The following ANGPTL1 variants were observed in gnomAD, a reference collection of about 807,000 sequenced individuals.
ANGPTL1 encodes angiopoietin like 1.
ANGPTL1 carries 36 observed loss-of-function variants against 46.7 expected under a neutral mutation model. The ratio of observed to expected loss-of-function variants is 0.77; its 90% CI spans 0.59 to 1.02. The LOEUF (loss-of-function observed/expected upper bound fraction) is 1.02, where lower values mean the gene tolerates loss of function less well. Among genes scored for constraint, ANGPTL1 ranks in the 50% least tolerant of loss-of-function variants. The probability of loss-of-function intolerance (pLI) is 0.00; values close to 1 mark genes in which losing one functional copy is unlikely to be tolerated. For synonymous variants in ANGPTL1, 221 were observed against 204.3 expected (o/e 1.08, Z -0.69); for missense variants, 571 against 594.7 (o/e 0.96, Z 0.41).
intron 3 of ANGPTL1, among the ~76,000 whole-genome samples, chr1:178,862,473 T>C (rs1658094407): frequency 6.6e-6 from 1 of 152,132 alleles, no homozygotes; most frequent in Non-Finnish European, 1.5e-5. Flanking sequence ...AATTGATAAT[T>C]TAAGAGGGAC....
At chr1:178,853,033 C>T (rs114222276) in intron 4 of ANGPTL1, 80 bp from the exon 5 acceptor site, 15 of 1,504,398 alleles carry the variant, frequency 1.0e-5, no homozygotes, top group African/African-American at 2.8e-5. Context: ...GTTAAACATT[C>T]GATAGCATAA....
chr1:178,859,963 C>T (rs997728319), intron 3 of ANGPTL1, among the ~76,000 whole-genome samples: 1 of 151,750 alleles, frequency 6.6e-6, no homozygotes, highest in South Asian at 2.1e-4. Flanking sequence ...GTGATCCACC[C>T]GTCTCGGCTA....
chr1:178,865,837 A>G, intron 2 of ANGPTL1, 35 bp from the exon 3 acceptor site: 4 of 1,292,486 alleles, frequency 3.1e-6, no homozygotes, highest in Non-Finnish European at 4.2e-6. Flanking sequence ...GAGAAAAAGC[A>G]AAAAGAATTC....
At chr1:178,864,930 T>G (rs2102334793) in intron 3 of ANGPTL1, 24 bp downstream of exon 3, 1 of 1,401,628 alleles carries the variant, frequency 7.1e-7, no homozygotes, top group Non-Finnish European at 9.3e-7. Flanking sequence ...ATACTCCCAC[T>G]TTTTACAGTA....
rs1008176981 is a variant in ANGPTL1 at position 178,865,239 on chromosome 1, C to T, written c.538G>A (p.Ala180Thr). Residue 180 changes from alanine (A) to threonine (T), a missense_variant, in exon 3 of 6, where the codon GCT becomes ACT. Physicochemically the swap from Ala to Thr is moderately conservative, Grantham distance 58 (BLOSUM62 0). Transcript: ENST00000234816. ...TRYRELEVKY[A>T]SLTDLVNNQS... The stretch of plus-strand genomic sequence containing the variant: ...TTATTGACAAGATCAGTCAAGGAAG[C>T]GTATTTCACCTCTAGTTCCCTGTAT... 8 of 1,613,968 alleles carry T rather than the reference C, an allele frequency of 5.0e-6. No individual in the cohort carries two copies. The highest frequency in any genetic ancestry group is 1.3e-5 in the African/African-American group (1 of 74,896).
chr1:178,857,301 T>C (rs1657651963), intron 3 of ANGPTL1, among the ~76,000 whole-genome samples: 1 of 152,214 alleles, frequency 6.6e-6, no homozygotes, highest in Non-Finnish European at 1.5e-5. Context: ...TATGAAACTA[T>C]GTGATTCCTA....
At chr1:178,866,062 T>C (rs1310734380) in intron 2 of ANGPTL1, among the ~76,000 whole-genome samples, 3 of 152,212 alleles carry the variant, frequency 2.0e-5, no homozygotes, top group Admixed American at 6.5e-5. Flanking sequence ...CCCCAGTTTA[T>C]TGAGCAGATT....
At chr1:178,858,098 T>C (rs1657717017) in intron 3 of ANGPTL1, among the ~76,000 whole-genome samples, 1 of 152,170 alleles carries the variant, frequency 6.6e-6, no homozygotes, top group Non-Finnish European at 1.5e-5. Flanking sequence ...TTCCAGAACA[T>C]ATGGATAAAA....
chr1:178,865,608 C>G lies in ANGPTL1; in HGVS notation c.169G>C (p.Glu57Gln), dbSNP rs773548423. 19 of 1,613,882 alleles carry G rather than the reference C, an allele frequency of 1.2e-5. No individual in the cohort carries two copies. In the East Asian group the frequency reaches 2.7e-4, roughly 23 times the overall value. Residue 57 changes from glutamate (E) to glutamine (Q), a missense_variant, in exon 3 of 6, where the codon GAA (glutamate) becomes CAA (glutamine). Transcript: ENST00000234816. Reference sequence around the variant, plus strand: ...CAGATTGGCCCTGTTATTCTTTGTTCAGGTACCAGGAATGTGTATGCACAT... The same window carrying G: ...CAGATTGGCCCTGTTATTCTTTGTTGAGGTACCAGGAATGTGTATGCACAT... Reference protein sequence around the residue: ...KKCAYTFLVPEQRITGPICVN... With the variant: ...KKCAYTFLVPQQRITGPICVN...
chr1:178,857,038 A>G (rs765760718), intron 3 of ANGPTL1, among the ~76,000 whole-genome samples: 2 of 152,192 alleles, frequency 1.3e-5, no homozygotes, highest in Non-Finnish European at 2.9e-5. Context: ...CATTATAGAA[A>G]CATGCATTGT....
intron 4 of ANGPTL1, chr1:178,853,167 A>G: frequency 2.0e-6 from 2 of 985,358 alleles, no homozygotes; most frequent in Non-Finnish European, 1.2e-6. Context: ...GTCAGTATTC[A>G]TTTGCATAGC....
chr1:178,862,037 AC>A (rs1171313297), intron 3 of ANGPTL1, among the ~76,000 whole-genome samples: 1 of 151,602 alleles, frequency 6.6e-6, no homozygotes, highest in Non-Finnish European at 1.5e-5. Context: ...CATGCCCAAT[AC>A]TTTTTTGTAT....
chr1:178,855,690 C>T (rs1478426822), intron 3 of ANGPTL1, among the ~76,000 whole-genome samples: 1 of 151,640 alleles, frequency 6.6e-6, no homozygotes, highest in Non-Finnish European at 1.5e-5. Flanking sequence ...ACATATTTTC[C>T]TTTAAGACAT....
intron 4 of ANGPTL1, 132 bp downstream of exon 4, chr1:178,853,462 T>G (rs957075549): frequency 2.8e-5 from 23 of 825,158 alleles, no homozygotes; most frequent in Non-Finnish European, 4.0e-5. Context: ...TTTTGACAGA[T>G]GTAGATAATG....
At position 178,852,847 on chromosome 1, in the gene ANGPTL1, CT is replaced by C; in HGVS notation, c.1123del (p.Ser375ValfsTer36). 6.2e-7 allele frequency: 1 copy of C among 1,613,914 alleles called. No individual in the cohort carries two copies. The highest frequency in any genetic ancestry group is 8.5e-7 in the Non-Finnish European group (1 of 1,179,856). Reference sequence around the variant, plus strand: ...GTATTCTGCATAGACTTTTTTATCACTCCAGTCTTCTAATTCAATCAATAAC... The same window carrying C: ...GTATTCTGCATAGACTTTTTTATCACCCAGTCTTCTAATTCAATCAATAAC... ...YKLLIELEDW[S>X]DKKVYAEYSS... On this transcript the variant is annotated frameshift_variant, in exon 5 of 6. Coordinates refer to ENST00000234816, the MANE Select transcript of ANGPTL1 (RefSeq NM_004673.4). LOFTEE classifies it high-confidence loss of function.
intron 3 of ANGPTL1, among the ~76,000 whole-genome samples, chr1:178,862,339 C>T (rs1054303360): frequency 6.6e-6 from 1 of 152,050 alleles, no homozygotes; most frequent in Non-Finnish European, 1.5e-5. Flanking sequence ...ATAAAAATGT[C>T]ACCAAATCAA....
rs532827576 is a variant in ANGPTL1 at position 178,849,928 on chromosome 1, A to G, written c.*1201T>C. 2 of 152,452 alleles carry G rather than the reference A, an allele frequency of 1.3e-5. No individual in the cohort carries two copies. Among genetic ancestry groups the G allele is most frequent in the Admixed American group, 6.5e-5 (1 of 15,304 alleles). 9.4% of individuals were successfully genotyped at this position (152,452 alleles called of 1,614,324 possible). The stretch of plus-strand genomic sequence containing the variant: ...TCTTTAAAATTTTAACTTCACAAAT[A>G]TATTAAGGCAAGGTCACCTCTAAGC... On this transcript the variant is annotated 3_prime_UTR_variant, in exon 6 of 6. Coordinates refer to ENST00000234816, the MANE Select transcript of ANGPTL1 (RefSeq NM_004673.4).
chr1:178,856,198 G>GATATATATATATATATAT (rs1232946834), intron 3 of ANGPTL1, among the ~76,000 whole-genome samples: 14 of 47,262 alleles, frequency 3.0e-4, no homozygotes, highest in African/African-American at 8.1e-4. Flanking sequence ...TCCAGAGAGA[G>GATATATATATATATATAT]AGAGATATAT....
intron 3 of ANGPTL1, among the ~76,000 whole-genome samples, chr1:178,862,565 C>T (rs1276502771): frequency 6.6e-6 from 1 of 151,982 alleles, no homozygotes; most frequent in Non-Finnish European, 1.5e-5. Flanking sequence ...TAGGCGTCAA[C>T]AAGGGCCTCA....
Sources: gnomAD v4.1 joint callset for allele counts (sites outside exome capture counted in the v4.1 genomes callset) on GRCh38, gnomAD v4.1.1 for gene constraint, MANE v1.5 for transcripts, NCBI Gene and HGNC (gene_info 2026-07-23, HGNC 2026-07-21) for gene names.